Variants in FIRRM observed in about 807,000 individuals in gnomAD.
FIRRM encodes the protein FIGNL1-interacting regulator of recombination and mitosis.
the FIRRM span, among the ~76,000 whole-genome samples, chr1:169,840,762 G>A: frequency 7.2e-5 from 11 of 152,080 alleles, no homozygotes; most frequent in Admixed American, 2.6e-4. Flanking sequence ...CACCCACCTC[G>A]GCCTCCCAAA....
At chr1:169,817,441 A>G in the FIRRM span, among the ~76,000 whole-genome samples, 60 of 152,370 alleles carry the variant, frequency 3.9e-4, no homozygotes, top group Non-Finnish European at 6.5e-4. Flanking sequence ...TAACAATTTT[A>G]TATAACAATT....
the FIRRM span, among the ~76,000 whole-genome samples, chr1:169,791,034 G>C: frequency 6.6e-6 from 1 of 152,206 alleles, no homozygotes; most frequent in Non-Finnish European, 1.5e-5. Flanking sequence ...GTTCACAATA[G>C]GGTGTGCACT....
the FIRRM span, among the ~76,000 whole-genome samples, chr1:169,834,082 A>G: frequency 8.4e-4 from 128 of 152,194 alleles, 1 homozygote; most frequent in Admixed American, 4.7e-3. Context: ...CTTTTAAAAT[A>G]ATATAACTCA....
chr1:169,846,192 T>C, the FIRRM span, among the ~76,000 whole-genome samples: 1 of 152,324 alleles, frequency 6.6e-6, no homozygotes, highest in East Asian at 1.9e-4. Context: ...AGTAGGCCTC[T>C]CAATAGTGGG....
the FIRRM span, chr1:169,852,391 T>C: frequency 3.6e-6 from 1 of 276,848 alleles, no homozygotes; most frequent in Non-Finnish European, 6.9e-6. Flanking sequence ...TGAGCACTAT[T>C]AGTATAGTAA....
the FIRRM span, chr1:169,852,008 A>C: frequency 6.2e-7 from 1 of 1,603,918 alleles, no homozygotes; most frequent in Non-Finnish European, 8.5e-7. Context: ...CTGACGAAAC[A>C]AACCAGTGTG....
the FIRRM span, chr1:169,795,129 T>A: frequency 6.5e-7 from 1 of 1,536,078 alleles, no homozygotes. Flanking sequence ...CGGTCCCAGC[T>A]AGCGCGGTTC....
the FIRRM span, chr1:169,784,972 A>G: frequency 6.6e-6 from 1 of 152,266 alleles, no homozygotes; most frequent in East Asian, 1.9e-4. Flanking sequence ...AGTGTAAGGC[A>G]GAATTCTGTT....
chr1:169,849,862 A>G, the FIRRM span: 1 of 501,900 alleles, frequency 2.0e-6, no homozygotes, highest in Non-Finnish European at 3.6e-6. Flanking sequence ...AGACAGACAC[A>G]GACACAGTCT....
chr1:169,852,077 T>A, the FIRRM span: 1 of 1,162,446 alleles, frequency 8.6e-7, no homozygotes, highest in Non-Finnish European at 1.2e-6. Context: ...AAATTCTGTT[T>A]TATGGTAGTT....
the FIRRM span, chr1:169,796,089 G>A: frequency 2.1e-6 from 1 of 471,484 alleles, no homozygotes; most frequent in South Asian, 9.1e-5. Context: ...TCTCAATACT[G>A]CACAAATATT....
the FIRRM span, chr1:169,803,092 G>A: frequency 7.6e-7 from 1 of 1,310,030 alleles, no homozygotes; most frequent in African/African-American, 1.5e-5. Context: ...TGTATTTGTA[G>A]CACCCAGCAT....
At chr1:169,814,567 A>C in the FIRRM span, among the ~76,000 whole-genome samples, 1 of 152,198 alleles carries the variant, frequency 6.6e-6, no homozygotes, top group African/African-American at 2.4e-5. Flanking sequence ...AGGTGCCTCC[A>C]TATTTTTTCA....
the FIRRM span, among the ~76,000 whole-genome samples, chr1:169,823,079 C>A: frequency 6.6e-6 from 1 of 151,594 alleles, no homozygotes. Context: ...TGGTGAAACC[C>A]CTCCTCTACT....
the FIRRM span, among the ~76,000 whole-genome samples, chr1:169,839,868 T>G: frequency 6.6e-6 from 1 of 152,232 alleles, no homozygotes; most frequent in Non-Finnish European, 1.5e-5. Context: ...GTCTTATATT[T>G]AAATCTTTAA....
the FIRRM span, chr1:169,853,866 C>T: frequency 7.2e-7 from 1 of 1,386,678 alleles, no homozygotes; most frequent in East Asian, 2.3e-5. Flanking sequence ...TAAAATTTAT[C>T]TTTTGATGCC....
the FIRRM span, among the ~76,000 whole-genome samples, chr1:169,833,116 C>T: frequency 2.0e-5 from 3 of 151,930 alleles, no homozygotes; most frequent in Non-Finnish European, 4.4e-5. Context: ...TATCCCCTGC[C>T]CCTTTTATTT....
At chr1:169,844,278 T>C in the FIRRM span, among the ~76,000 whole-genome samples, 1 of 152,240 alleles carries the variant, frequency 6.6e-6, no homozygotes, top group African/African-American at 2.4e-5. Flanking sequence ...TAGGGAACCC[T>C]TGTGGTGCCT....
At chr1:169,841,477 A>AGGCATTCATTGTTACTGTTTATTACATT in the FIRRM span, among the ~76,000 whole-genome samples, 1 of 152,234 alleles carries the variant, frequency 6.6e-6, no homozygotes, top group East Asian at 1.9e-4. Flanking sequence ...AATAGATTCA[A>AGGCATTCATTGTTACTGTTTATTACATT]GGCATTCATT....
Sources: allele counts gnomAD v4.1 joint callset (sites outside exome capture counted in the v4.1 genomes callset), GRCh38; gene constraint gnomAD v4.1.1; transcripts MANE v1.5; gene names NCBI Gene and HGNC (gene_info 2026-07-23, HGNC 2026-07-21).